The following GRID2 variants were observed in gnomAD, a reference collection of about 807,000 sequenced individuals.
GRID2 encodes the protein glutamate ionotropic receptor delta type subunit 2.
A neutral mutation model predicts 114.8 loss-of-function variants in GRID2; 33 were observed. The ratio of observed to expected loss-of-function variants is 0.29; its 90% CI spans 0.22 to 0.38. GRID2 has a LOEUF of 0.38. GRID2 is among the 10% of genes least tolerant of loss of function. The pLI is 1.00. For synonymous variants in GRID2, 505 were observed against 449.9 expected (o/e 1.12, Z -1.55); for missense variants, 1,184 against 1,257.7 (o/e 0.94, Z 0.89).
chr4:92,622,141 G>T (rs1241661093), intron 2 of GRID2, among the ~76,000 whole-genome samples: 1 of 151,680 alleles, frequency 6.6e-6, no homozygotes, highest in Non-Finnish European at 1.5e-5. Flanking sequence ...GAGTCAATTA[G>T]AGATGATGGA....
intron 1 of GRID2, among the ~76,000 whole-genome samples, chr4:92,475,078 C>T (rs944732824): frequency 6.7e-6 from 1 of 149,086 alleles, no homozygotes; most frequent in Non-Finnish European, 1.5e-5. Context: ...ATGCAACTAA[C>T]TGGCACATTG....
intron 2 of GRID2, among the ~76,000 whole-genome samples, chr4:92,919,214 T>A (rs1749089360): frequency 6.6e-6 from 1 of 152,226 alleles, no homozygotes; most frequent in Non-Finnish European, 1.5e-5. Context: ...TTATCATTTT[T>A]TATTGCATCT....
At chr4:92,572,924 A>G (rs1727703240) in intron 1 of GRID2, among the ~76,000 whole-genome samples, 1 of 152,056 alleles carries the variant, frequency 6.6e-6, no homozygotes, top group Non-Finnish European at 1.5e-5. Context: ...TACCTCTGGT[A>G]GAATTCACCC....
chr4:93,698,545 G>A (rs1328930647), intron 14 of GRID2, among the ~76,000 whole-genome samples: 3 of 152,018 alleles, frequency 2.0e-5, no homozygotes, highest in African/African-American at 4.8e-5. Context: ...CATTAAGGGG[G>A]AAAGCACTTT....
intron 4 of GRID2, among the ~76,000 whole-genome samples, chr4:93,179,743 G>T (rs1739705756): frequency 1.3e-5 from 2 of 152,004 alleles, no homozygotes; most frequent in Non-Finnish European, 1.5e-5. Flanking sequence ...CGTAACCAAG[G>T]TACCACAAAA....
chr4:93,338,317 C>G (rs6826128), intron 8 of GRID2, among the ~76,000 whole-genome samples: 28,682 of 151,972 alleles, frequency 0.19, 5,309 homozygotes, highest in African/African-American at 0.48. Flanking sequence ...AGCAATATAT[C>G]AAGCCCTTAT....
At chr4:92,417,340 G>T (rs188911210) in intron 1 of GRID2, among the ~76,000 whole-genome samples, 1 of 152,120 alleles carries the variant, frequency 6.6e-6, no homozygotes, top group East Asian at 1.9e-4. Context: ...TAATCCCAAA[G>T]ACAATTGTTA....
chr4:93,177,765 G>A (rs1449137801), intron 4 of GRID2, among the ~76,000 whole-genome samples: 2 of 151,964 alleles, frequency 1.3e-5, no homozygotes, highest in African/African-American at 2.4e-5. Flanking sequence ...CCCATTTAAA[G>A]TTGTCATTGC....
chr4:92,584,361 A>T (rs1461727039), intron 1 of GRID2, among the ~76,000 whole-genome samples: 1 of 151,970 alleles, frequency 6.6e-6, no homozygotes, highest in Non-Finnish European at 1.5e-5. Context: ...TGTATGCAAA[A>T]TGCATTGTCA....
chr4:93,541,560 G>A (rs762826037), intron 13 of GRID2, among the ~76,000 whole-genome samples: 6 of 151,908 alleles, frequency 3.9e-5, no homozygotes, highest in Non-Finnish European at 8.8e-5. Flanking sequence ...TAAAAATCTT[G>A]CCAAAAAATA....
At chr4:93,791,827 TTC>T (rs34767313) in intron 1 of GRID2, among the ~76,000 whole-genome samples, 19,419 of 152,152 alleles carry the variant, frequency 0.13, 1,865 homozygotes, top group African/African-American at 0.27. Context: ...TAGCTTTAAA[TTC>T]TGTTTTCTGT....
At chr4:92,653,142 C>T (rs1365530724) in intron 2 of GRID2, among the ~76,000 whole-genome samples, 2 of 150,324 alleles carry the variant, frequency 1.3e-5, no homozygotes, top group Non-Finnish European at 3.0e-5. Context: ...GGATTACAGG[C>T]ACTTGCCACC....
intron 2 of GRID2, among the ~76,000 whole-genome samples, chr4:92,896,099 T>A (rs1007495531): frequency 6.6e-6 from 1 of 152,234 alleles, no homozygotes; most frequent in Non-Finnish European, 1.5e-5. Flanking sequence ...GTGCCATGCC[T>A]ATGTAAGTAT....
intron 1 of GRID2, among the ~76,000 whole-genome samples, chr4:92,307,682 C>T (rs914061650): frequency 2.0e-5 from 3 of 151,888 alleles, no homozygotes; most frequent in Admixed American, 6.6e-5. Flanking sequence ...TTATTTTAGT[C>T]AAAAATGCAC....
intron 2 of GRID2, among the ~76,000 whole-genome samples, chr4:92,895,683 C>T (rs1747116959): frequency 6.6e-6 from 1 of 151,970 alleles, no homozygotes; most frequent in African/African-American, 2.4e-5. Flanking sequence ...CTATCTGTTA[C>T]TCAAATCCTT....
At chr4:92,541,184 T>G (rs948600966) in intron 1 of GRID2, among the ~76,000 whole-genome samples, 1 of 151,886 alleles carries the variant, frequency 6.6e-6, no homozygotes, top group African/African-American at 2.4e-5. Flanking sequence ...AGTAGATATA[T>G]CTAATGTTAA....
At chr4:93,043,967 A>C (rs1725880305) in intron 2 of GRID2, among the ~76,000 whole-genome samples, 1 of 151,758 alleles carries the variant, frequency 6.6e-6, no homozygotes, top group African/African-American at 2.4e-5. Context: ...ACCCTTAAGT[A>C]GTTTATAGTT....
At chr4:93,456,828 C>T (rs911385620) in intron 11 of GRID2, among the ~76,000 whole-genome samples, 2 of 152,158 alleles carry the variant, frequency 1.3e-5, no homozygotes, top group African/African-American at 4.8e-5. Flanking sequence ...CATTTAACTT[C>T]ATTTTTCTAT....
In GRID2 at chr4:92,938,254, T is replaced by A. The variant is rs966546231; in HGVS notation, c.245-146741T>A. Among the ~76,000 whole-genome samples, 4 of 146,728 alleles carry A rather than the reference T, an allele frequency of 2.7e-5. 1 individual carries two copies. In the South Asian group the frequency reaches 9.1e-4, roughly 33 times the overall value. ...TGCTGGATTTGGTCTGTTAGTAATT[T>A]GTGATAAATTATCAGTTCTTATTTT... is the stretch of plus-strand genomic sequence containing the variant. On this transcript the variant is annotated intron_variant, in intron 2 of 15. Coordinates refer to ENST00000282020, the MANE Select transcript of GRID2 (RefSeq NM_001510.4).
Sources: gnomAD v4.1 joint callset for allele counts (sites outside exome capture counted in the v4.1 genomes callset) on GRCh38, gnomAD v4.1.1 for gene constraint, MANE v1.5 for transcripts, NCBI Gene and HGNC (gene_info 2026-07-23, HGNC 2026-07-21) for gene names.